The following MALRD1 variants were observed in gnomAD, a reference collection of about 807,000 sequenced individuals.
MALRD1 encodes the protein MAM and LDL-receptor class A domain-containing protein 1.
A neutral mutation model predicts 242.1 loss-of-function variants in MALRD1; 247 were observed. The ratio of observed to expected loss-of-function variants is 1.02; its 90% CI spans 0.92 to 1.13. The LOEUF is 1.13. Ranked by LOEUF, MALRD1 falls within the 50% of genes most tolerant of loss-of-function variation. The probability of loss-of-function intolerance (pLI) is 0.00; values close to 1 mark genes in which losing one functional copy is unlikely to be tolerated. For synonymous variants in MALRD1, 995 were observed against 866.6 expected (o/e 1.15, Z -2.60); for missense variants, 2,989 against 2,533.1 (o/e 1.18, Z -3.86).
intron 36 of MALRD1, among the ~76,000 whole-genome samples, chr10:19,675,919 T>A (rs1048224253): frequency 6.6e-6 from 1 of 152,182 alleles, no homozygotes; most frequent in African/African-American, 2.4e-5. Context: ...AAAGATGGCA[T>A]GTCTAAAGCA....
chr10:19,207,391 C>G (rs866555347), intron 17 of MALRD1, among the ~76,000 whole-genome samples: 1 of 152,296 alleles, frequency 6.6e-6, no homozygotes, highest in South Asian at 2.1e-4. Flanking sequence ...TTCCCCCTTA[C>G]CTGGGGGCTT....
chr10:19,427,342 G>A lies in MALRD1; in HGVS notation c.4846-22965G>A, dbSNP rs61851071. Among the ~76,000 whole-genome samples, 347 of 152,184 alleles carry A rather than the reference G, an allele frequency of 2.3e-3. 1 individual carries two copies. The highest frequency in any genetic ancestry group is 3.5e-3 in the Admixed American group (54 of 15,282). On this transcript the variant is annotated intron_variant, in intron 28 of 39. Transcript: ENST00000454679. ...GCATGGCTATCATATTTTTATATAC[G>A]TAATAAATTGAGAGGCTAAACCAAA...
intron 31 of MALRD1, among the ~76,000 whole-genome samples, chr10:19,515,857 C>T (rs1451647388): frequency 3.9e-5 from 6 of 152,134 alleles, no homozygotes; most frequent in Admixed American, 1.3e-4. Flanking sequence ...CGTGAGCCAC[C>T]GTGCATGGCC....
intron 35 of MALRD1, among the ~76,000 whole-genome samples, chr10:19,610,783 C>G (rs893057718): frequency 6.6e-6 from 1 of 151,934 alleles, no homozygotes; most frequent in Non-Finnish European, 1.5e-5. Context: ...TTGCTATTAA[C>G]TCAAGTAAGT....
At chr10:19,158,325 T>C (rs1407523079) in intron 12 of MALRD1, among the ~76,000 whole-genome samples, 1 of 152,262 alleles carries the variant, frequency 6.6e-6, no homozygotes, top group African/African-American at 2.4e-5. Context: ...ATCTTTCTTT[T>C]GTTTTTAATT....
At chr10:19,519,410 A>T (rs974291946) in intron 31 of MALRD1, among the ~76,000 whole-genome samples, 5 of 152,214 alleles carry the variant, frequency 3.3e-5, no homozygotes, top group African/African-American at 9.6e-5. Flanking sequence ...TAATATTACT[A>T]ATATTTCATA....
intron 14 of MALRD1, among the ~76,000 whole-genome samples, chr10:19,199,259 A>G (rs1836411506): frequency 6.6e-6 from 1 of 152,216 alleles, no homozygotes. Flanking sequence ...TATTTCCGGA[A>G]TGTGTCCCGT....
chr10:19,309,450 A>G (rs1842341902), intron 21 of MALRD1, among the ~76,000 whole-genome samples: 1 of 151,530 alleles, frequency 6.6e-6, no homozygotes, highest in Admixed American at 6.6e-5. Flanking sequence ...AGGGTTCTCT[A>G]CAGTATATCT....
chr10:19,143,112 T>A (rs1315400554), intron 10 of MALRD1, among the ~76,000 whole-genome samples: 1 of 152,218 alleles, frequency 6.6e-6, no homozygotes, highest in Non-Finnish European at 1.5e-5. Context: ...AGGATGGTGG[T>A]GTTTAGCATT....
chr10:19,204,280 CGTT>C, intron 15 of MALRD1, 25 bp from the exon 16 acceptor site: 1 of 1,008,142 alleles, frequency 9.9e-7, no homozygotes, highest in Non-Finnish European at 1.4e-6. Flanking sequence ...GTTAATGAAG[CGTT>C]TTTTTTTTTT....
At chr10:19,704,142 A>G (rs769469017) in intron 38 of MALRD1, among the ~76,000 whole-genome samples, 5 of 151,996 alleles carry the variant, frequency 3.3e-5, no homozygotes, top group Non-Finnish European at 5.9e-5. Flanking sequence ...TTTTTTAGCT[A>G]TGCTGAGAAA....
chr10:19,607,082 C>T (rs535938835), intron 34 of MALRD1, among the ~76,000 whole-genome samples: 23 of 152,198 alleles, frequency 1.5e-4, no homozygotes, highest in South Asian at 4.1e-4. Context: ...GGACACTTTT[C>T]GAAACAACCA....
intron 36 of MALRD1, among the ~76,000 whole-genome samples, chr10:19,643,277 C>A (rs982532991): frequency 2.0e-5 from 3 of 151,436 alleles, no homozygotes; most frequent in African/African-American, 4.9e-5. Context: ...AATAAAAATA[C>A]AGAAAAAAGA....
chr10:19,676,225 T>C lies in MALRD1; in HGVS notation c.6138-16057T>C, dbSNP rs529347553. Among the ~76,000 whole-genome samples the C allele has an allele frequency of 1.1e-4, 16 of 152,208 alleles. No homozygotes were observed. In the South Asian group the frequency reaches 3.1e-3, roughly 30 times the overall value. ...CATAGGGACAAGATTCTAAAAGCTG[T>C]GGGAAAGTAGTAAAGGTTTTGAGTC... On this transcript the variant is annotated intron_variant, in intron 36 of 39. Transcript: ENST00000454679.
chr10:19,215,386 T>G (rs1199623700), intron 18 of MALRD1, among the ~76,000 whole-genome samples: 1 of 152,224 alleles, frequency 6.6e-6, no homozygotes, highest in Non-Finnish European at 1.5e-5. Context: ...ATCAGTCCTC[T>G]TCAATTAGGG....
At chr10:19,343,340 T>C (rs556729402) in intron 24 of MALRD1, among the ~76,000 whole-genome samples, 1 of 152,256 alleles carries the variant, frequency 6.6e-6, no homozygotes, top group East Asian at 1.9e-4. Context: ...TACCTAACTA[T>C]GGTCCAGTAT....
intron 12 of MALRD1, among the ~76,000 whole-genome samples, chr10:19,159,781 T>C (rs1834319311): frequency 6.6e-6 from 1 of 152,176 alleles, no homozygotes; most frequent in Non-Finnish European, 1.5e-5. Context: ...CCAATGGAAC[T>C]AAGACTGTCA....
At chr10:19,435,474 G>C (rs1834317617) in intron 28 of MALRD1, among the ~76,000 whole-genome samples, 1 of 152,050 alleles carries the variant, frequency 6.6e-6, no homozygotes, top group South Asian at 2.1e-4. Context: ...CAGTTTCCCA[G>C]TCTTTTCCTG....
At chr10:19,408,554 A>G (rs185017668) in intron 28 of MALRD1, among the ~76,000 whole-genome samples, 89 of 152,346 alleles carry the variant, frequency 5.8e-4, no homozygotes, top group African/African-American at 2.0e-3. Context: ...AAAATCATAC[A>G]TTAGTGAAAT....
Sources: allele counts gnomAD v4.1 joint callset (sites outside exome capture counted in the v4.1 genomes callset), GRCh38; gene constraint gnomAD v4.1.1; transcripts MANE v1.5; gene names NCBI Gene and HGNC (gene_info 2026-07-23, HGNC 2026-07-21).